Variants in LCT observed in about 807,000 individuals in gnomAD.
LCT encodes lactase/phlorizin hydrolase.
A neutral mutation model predicts 173.0 loss-of-function variants in LCT; 90 were observed. The observed-to-expected ratio is 0.52, with a 90% CI of 0.44 to 0.62. The LOEUF is 0.62. Ranked by LOEUF, LCT falls within the 20% of genes least tolerant of loss-of-function variation. The pLI, the probability that LCT is intolerant of heterozygous loss-of-function variation, is 0.00. For synonymous variants in LCT, 853 were observed against 957.6 expected (o/e 0.89, Z 2.02); for missense variants, 1,864 against 2,431.4 (o/e 0.77, Z 4.91).
At chr2:135,793,000 C>A (rs1262793811) in intron 14 of LCT, among the ~76,000 whole-genome samples, 1 of 152,194 alleles carries the variant, frequency 6.6e-6, no homozygotes, top group Non-Finnish European at 1.5e-5. Context: ...CACCTCCTGG[C>A]TGGAGACCAA....
chr2:135,836,019 T>TATATATATATATAC (rs1444886921), intron 1 of LCT, among the ~76,000 whole-genome samples: 2 of 110,460 alleles, frequency 1.8e-5, no homozygotes, highest in African/African-American at 6.4e-5. Context: ...TATATATGTA[T>TATATATATATATAC]ACATATTTTT....
chr2:135,797,190 C>T (rs1466027209), intron 13 of LCT, among the ~76,000 whole-genome samples: 5 of 152,148 alleles, frequency 3.3e-5, no homozygotes, highest in East Asian at 1.9e-4. Context: ...TCAAGTGATC[C>T]GCCCACCTTG....
At chr2:135,835,597 CCAAAATTGATTCT>C (rs1019427381) in intron 1 of LCT, among the ~76,000 whole-genome samples, 1 of 140,722 alleles carries the variant, frequency 7.1e-6, no homozygotes, top group Non-Finnish European at 1.5e-5. Flanking sequence ...CATATATAAT[CCAAAATTGATTCT>C]CAAAATTGGT....
intron 14 of LCT, among the ~76,000 whole-genome samples, chr2:135,794,013 G>A (rs1177838361): frequency 1.3e-5 from 2 of 151,168 alleles, no homozygotes; most frequent in Non-Finnish European, 2.9e-5. Context: ...GGAGGTACGC[G>A]CCTGTAATCC....
chr2:135,809,854 G>A lies in LCT; in HGVS notation c.2493C>T (p.Pro831=), dbSNP rs760018946. ...NFSDSSKSRT[P]RKSAYFFTSI... ...TAGTGAAAAAGTAGGCAGATTTCCT[G>A]GGAGTCCTTGACTTGCTGCTGTCGC... Residue 831 remains proline (P), a synonymous_variant, in exon 8 of 17, where the codon CCC becomes CCT. Transcript: ENST00000264162. The surrounding 1 kb of genome is among the most constrained non-coding windows in gnomAD (Gnocchi z 5.5). 12 of 1,614,062 alleles carry A rather than the reference G, an allele frequency of 7.4e-6. No homozygotes were observed. Among genetic ancestry groups the A allele is most frequent in the African/African-American group, 1.3e-5 (1 of 74,922 alleles).
intron 9 of LCT, among the ~76,000 whole-genome samples, chr2:135,805,800 T>C (rs1162450896): frequency 6.6e-6 from 1 of 152,348 alleles, no homozygotes; most frequent in African/African-American, 2.4e-5. Context: ...GCAGCCATCA[T>C]AACGTTGTAG....
chr2:135,831,613 G>A (rs1575350074), intron 2 of LCT, among the ~76,000 whole-genome samples: 1 of 152,228 alleles, frequency 6.6e-6, no homozygotes, highest in African/African-American at 2.4e-5. Flanking sequence ...ACTGATAGCA[G>A]TTATCGCCCT....
At chr2:135,814,604 C>T (rs2077764181) in intron 6 of LCT, among the ~76,000 whole-genome samples, 1 of 151,684 alleles carries the variant, frequency 6.6e-6, no homozygotes, top group Non-Finnish European at 1.5e-5. Context: ...ACAACCTCTA[C>T]CTCCTAGGTT....
At position 135,836,451 on chromosome 2, in the gene LCT, C is replaced by G; in HGVS notation, c.640+79G>C. ...GCTGAAGGTGAGTTGGGAGAAATGT[C>G]GAATCTGCTCTAAGGAGGATGGGGA... On this transcript the variant is annotated intron_variant, in intron 1 of 16. Transcript: ENST00000264162. 6.1e-6 allele frequency: 8 copies of G among 1,306,468 alleles called. No individual in the cohort carries two copies. The South Asian group carries it at 9.4e-5, about 15-fold the overall frequency. 80.9% of individuals were successfully genotyped at this position (1,306,468 alleles called of 1,614,324 possible).
chr2:135,789,459 G>A, intron 16 of LCT, 112 bp downstream of exon 16: 2 of 756,734 alleles, frequency 2.6e-6, no homozygotes, highest in South Asian at 3.0e-5. Context: ...ATGAATGAAG[G>A]AGATGGGGCA....
In LCT at chr2:135,792,643, G is replaced by A. The variant is rs1255321216; in HGVS notation, c.5112-1762C>T. 2.6e-5 allele frequency among the ~76,000 whole-genome samples: 4 copies of A among 152,262 alleles called. No homozygotes were observed. In the East Asian group the frequency reaches 7.7e-4, roughly 29 times the overall value. The stretch of plus-strand genomic sequence containing the variant: ...GCTTTCCCAACTTCCCTAGCAACCT[G>A]TATGACACAGCAGAGGAAGCCATAA... On this transcript the variant is annotated intron_variant, in intron 14 of 16. Coordinates refer to ENST00000264162, the MANE Select transcript of LCT (RefSeq NM_002299.4).
chr2:135,803,185 G>A (rs1398743646), intron 11 of LCT, among the ~76,000 whole-genome samples: 2 of 152,038 alleles, frequency 1.3e-5, no homozygotes, highest in African/African-American at 4.8e-5. Flanking sequence ...CTAGAAAAGA[G>A]GACTCCGAAT....
rs542948652 is a variant in LCT at position 135,788,695 on chromosome 2, T to G, written c.5564-151A>C. 1.2e-5 allele frequency: 8 copies of G among 689,442 alleles called. No individual in the cohort carries two copies. In the African/African-American group the frequency reaches 1.4e-4, roughly 12 times the overall value. The allele number at this position is 689,442 out of a possible 1,614,324, so 42.7% of individuals were successfully genotyped here. A position where few individuals can be genotyped will look rare whatever the true frequency, so the allele number is the denominator to read the frequency against. On this transcript the variant is annotated intron_variant, in intron 16 of 16. Transcript: ENST00000264162. Reference sequence around the variant, plus strand: ...GAGGTACCCATCCCCTTTCACTGTGTGTCAGGAGCCTCTGAGTGAAGTTAA... The same window carrying G: ...GAGGTACCCATCCCCTTTCACTGTGGGTCAGGAGCCTCTGAGTGAAGTTAA...
At chr2:135,801,180 C>T (rs1042009190) in intron 11 of LCT, among the ~76,000 whole-genome samples, 2 of 152,052 alleles carry the variant, frequency 1.3e-5, no homozygotes, top group African/African-American at 4.8e-5. Flanking sequence ...AGGCAAAATA[C>T]CCATAATAGA....
At chr2:135,815,356 GA>G (rs2077770296) in intron 6 of LCT, among the ~76,000 whole-genome samples, 1 of 152,082 alleles carries the variant, frequency 6.6e-6, no homozygotes, top group African/African-American at 2.4e-5. Context: ...AGCCTAAGAA[GA>G]AAAGGTTTAG....
chr2:135,805,102 A>G, intron 9 of LCT, 45 bp from the exon 10 acceptor site: 3 of 1,563,378 alleles, frequency 1.9e-6, no homozygotes, highest in Non-Finnish European at 2.6e-6. Context: ...TCAGTCAAGC[A>G]CTCACAGCCT....
intron 6 of LCT, among the ~76,000 whole-genome samples, chr2:135,813,475 A>T (rs1447257772): frequency 6.6e-6 from 1 of 152,250 alleles, no homozygotes; most frequent in South Asian, 2.1e-4. Context: ...CAACAACCAC[A>T]TTAACAATAA....
At chr2:135,800,506 T>C in intron 12 of LCT, 101 bp downstream of exon 12, 1 of 1,014,060 alleles carries the variant, frequency 9.9e-7, no homozygotes, top group Non-Finnish European at 1.6e-6. Context: ...ATTATAGACA[T>C]GAGCCACCAC....
chr2:135,795,604 C>CTAATAATTATAATAATAATAA lies in LCT; in HGVS notation c.4977-830_4977-829insTTATTATTATTATAATTATTA, dbSNP rs57023267. On this transcript the variant is annotated intron_variant, in intron 13 of 16. Transcript: ENST00000264162. ...TTAGGCATGCCTCTTTTCTCCAACT[C>CTAATAATTATAATAATAATAA]TAATAATAATAATAATAATAATAAT... Among the ~76,000 whole-genome samples the CTAATAATTATAATAATAATAA allele has an allele frequency of 2.6e-3, 380 of 146,074 alleles. 3 individuals are homozygous for CTAATAATTATAATAATAATAA. Among genetic ancestry groups the CTAATAATTATAATAATAATAA allele is most frequent in the African/African-American group, 5.5e-3 (218 of 39,878 alleles).
Sources: gnomAD v4.1 joint callset for allele counts (sites outside exome capture counted in the v4.1 genomes callset) on GRCh38, gnomAD v4.1.1 for gene constraint, Gnocchi (gnomAD v3.1) non-coding constraint, MANE v1.5 for transcripts, NCBI Gene and HGNC (gene_info 2026-07-23, HGNC 2026-07-21) for gene names.